Variants in EVC observed in about 807,000 individuals in gnomAD.
EVC encodes EvC ciliary complex subunit 1, also known as evC complex member EVC.
In EVC, 116 loss-of-function variants were observed where a neutral mutation model predicts 118.9. The observed-to-expected ratio is 0.98, with a 90% CI of 0.84 to 1.14. The LOEUF (loss-of-function observed/expected upper bound fraction) is 1.14. Among genes scored for constraint, EVC ranks in the 50% most tolerant of loss-of-function variants. The pLI, the probability that EVC is intolerant of heterozygous loss-of-function variation, is 0.00. For synonymous variants in EVC, 619 were observed against 534.7 expected (o/e 1.16, Z -2.18); for missense variants, 1,401 against 1,246.4 (o/e 1.12, Z -1.87).
At position 5,754,572 on chromosome 4, in the gene EVC, G is replaced by A. The variant is rs1198129324; in HGVS notation, c.1464+639G>A. Reference sequence around the variant, plus strand: ...AGAGAGACCACCGAGCTCTGGTTTCGCTCTGCTTGCTTTCACTAGTAATGG... The same window carrying A: ...AGAGAGACCACCGAGCTCTGGTTTCACTCTGCTTGCTTTCACTAGTAATGG... On this transcript the variant is annotated intron_variant, in intron 10 of 20. Transcript: ENST00000264956. This position sits in a 1 kb window ranked among gnomAD's most constrained non-coding sequence, Gnocchi z 5.8. Among the ~76,000 whole-genome samples, 2 of 152,090 alleles carry A rather than the reference G, an allele frequency of 1.3e-5. No homozygotes were observed. The highest frequency in any genetic ancestry group is 6.5e-5 in the Admixed American group (1 of 15,280).
rs893964990 is a variant in EVC at position 5,738,586 on chromosome 4, C to T, written c.703-3130C>T. 2.0e-5 allele frequency among the ~76,000 whole-genome samples: 3 copies of T among 152,024 alleles called. No individual in the cohort carries two copies. Among genetic ancestry groups the T allele is most frequent in the Admixed American group, 6.5e-5 (1 of 15,268 alleles). ...CCATCAACATTGAGACAAGACCCTC[C>T]ACCAGCTAAAAGATTACAACTTTTT... On this transcript the variant is annotated intron_variant, in intron 5 of 20. Transcript: ENST00000264956. This position sits in a 1 kb window ranked among gnomAD's most constrained non-coding sequence, Gnocchi z 6.5.
At chr4:5,732,414 G>A (rs189040486) in intron 4 of EVC, among the ~76,000 whole-genome samples, 13 of 152,370 alleles carry the variant, frequency 8.5e-5, no homozygotes, top group Admixed American at 6.5e-4. Context: ...AAGGGACTTC[G>A]TTGAAGAGGG....
chr4:5,797,412 C>G, intron 14 of EVC, 180 bp downstream of exon 14: 1 of 636,318 alleles, frequency 1.6e-6, no homozygotes, highest in Non-Finnish European at 2.8e-6. Context: ...ACACTGCACA[C>G]ATTTCCCTGC....
At chr4:5,779,422 T>A (rs1269669101) in intron 11 of EVC, among the ~76,000 whole-genome samples, 1 of 149,118 alleles carries the variant, frequency 6.7e-6, no homozygotes. Context: ...ATCTATAAAT[T>A]ACCTTGGGCA....
chr4:5,778,367 C>G (rs1313610442), intron 11 of EVC, among the ~76,000 whole-genome samples: 1 of 151,954 alleles, frequency 6.6e-6, no homozygotes, highest in Non-Finnish European at 1.5e-5. Context: ...AATGGGATGG[C>G]CGGGTCAAAT....
the EVC span, among the ~76,000 whole-genome samples, chr4:5,827,032 G>A: frequency 2.6e-5 from 4 of 152,202 alleles, no homozygotes; most frequent in African/African-American, 4.8e-5. Context: ...CTGAAGCTCA[G>A]GTGGCCAGAG....
intron 8 of EVC, among the ~76,000 whole-genome samples, chr4:5,751,523 G>A (rs111386268): frequency 2.6e-4 from 39 of 152,350 alleles, no homozygotes; most frequent in African/African-American, 6.7e-4. Context: ...GAGCCTCGCC[G>A]TCCTTGTCCA....
chr4:5,822,349 C>G, the EVC span, among the ~76,000 whole-genome samples: 1 of 152,180 alleles, frequency 6.6e-6, no homozygotes, highest in African/African-American at 2.4e-5. Context: ...AGCCCATGAT[C>G]TTAGGCACAC....
intron 4 of EVC, among the ~76,000 whole-genome samples, chr4:5,732,165 G>T (rs1726927764): frequency 6.6e-6 from 1 of 152,220 alleles, no homozygotes; most frequent in South Asian, 2.1e-4. Flanking sequence ...TGCGTGACTT[G>T]CTGGTCACAC....
chr4:5,741,686 C>A (rs1171048324), intron 5 of EVC, 30 bp from the exon 6 acceptor site: 3 of 1,360,924 alleles, frequency 2.2e-6, no homozygotes, highest in Non-Finnish European at 3.1e-6. Flanking sequence ...TTAAACTTTT[C>A]TTTTGTTATC....
At chr4:5,784,451 GAGCAC>G (rs942202980) in intron 12 of EVC, among the ~76,000 whole-genome samples, 9 of 152,142 alleles carry the variant, frequency 5.9e-5, no homozygotes, top group African/African-American at 2.2e-4. Context: ...CTCTAGAAAA[GAGCAC>G]AGCCCTGCTG....
chr4:5,739,920 T>C (rs912040464), intron 5 of EVC, among the ~76,000 whole-genome samples: 3 of 142,458 alleles, frequency 2.1e-5, no homozygotes, highest in Non-Finnish European at 3.0e-5. Context: ...AAAAAAGCCT[T>C]ACCGGTTCAC....
At chr4:5,732,093 CT>C (rs1726915965) in intron 4 of EVC, among the ~76,000 whole-genome samples, 2 of 141,450 alleles carry the variant, frequency 1.4e-5, no homozygotes, top group African/African-American at 4.9e-5. Flanking sequence ...TTTAACACCC[CT>C]ATGAAGTTGG....
At chr4:5,761,851 G>A (rs1732079541) in intron 11 of EVC, among the ~76,000 whole-genome samples, 1 of 151,756 alleles carries the variant, frequency 6.6e-6, no homozygotes, top group Admixed American at 6.6e-5. Context: ...AGGTTTCTCT[G>A]GGGTCCCATT....
chr4:5,778,793 C>A, intron 11 of EVC, among the ~76,000 whole-genome samples: 1 of 152,112 alleles, frequency 6.6e-6, no homozygotes. Context: ...TGTGGGTTGC[C>A]TGTTCACTCT....
At chr4:5,728,319 T>C (rs1052947164) in intron 2 of EVC, among the ~76,000 whole-genome samples, 3 of 151,988 alleles carry the variant, frequency 2.0e-5, no homozygotes, top group Admixed American at 6.6e-5. Context: ...CTAGGTATTT[T>C]ATTCTCTTTG....
chr4:5,824,409 C>T, the EVC span: 4 of 985,364 alleles, frequency 4.1e-6, no homozygotes, highest in South Asian at 4.7e-5. Context: ...GCCTCCTCGG[C>T]ATAATCACTG....
chr4:5,793,748 T>C (rs1296647799), intron 13 of EVC, 31 bp downstream of exon 13: 7 of 1,498,502 alleles, frequency 4.7e-6, no homozygotes, highest in Non-Finnish European at 6.4e-6. Context: ...GCCCAGGGCT[T>C]TGTGTCCTGC....
intron 1 of EVC, among the ~76,000 whole-genome samples, chr4:5,717,010 GA>G (rs113412649): frequency 0.12 from 18,718 of 152,100 alleles, 1,580 homozygotes; most frequent in East Asian, 0.32. Flanking sequence ...CAGGCATTTG[GA>G]ACGTCCTTTT....
Sources: allele counts gnomAD v4.1 joint callset (sites outside exome capture counted in the v4.1 genomes callset), GRCh38; gene constraint gnomAD v4.1.1; non-coding constraint Gnocchi (gnomAD v3.1); transcripts MANE v1.5; gene names NCBI Gene and HGNC (gene_info 2026-07-23, HGNC 2026-07-21).